Variants in DPP10 observed in about 807,000 individuals in gnomAD.
DPP10 encodes inactive dipeptidyl peptidase 10.
Under a neutral mutation model 120.9 loss-of-function variants are expected in DPP10, and 33 were observed. The ratio of observed to expected loss-of-function variants is 0.27; its 90% CI spans 0.21 to 0.37. The LOEUF is 0.37. Among genes scored for constraint, DPP10 ranks in the 10% least tolerant of loss-of-function variants. The pLI is 1.00. For synonymous variants in DPP10, 337 were observed against 326.1 expected (o/e 1.03, Z -0.36); for missense variants, 816 against 942.8 (o/e 0.87, Z 1.76).
At chr2:114,921,977 CATA>C (rs1695229853) in intron 1 of DPP10, among the ~76,000 whole-genome samples, 1 of 152,170 alleles carries the variant, frequency 6.6e-6, no homozygotes, top group Non-Finnish European at 1.5e-5. Context: ...ATGCCTTTAT[CATA>C]ATATTATGTC....
At chr2:115,431,244 G>A (rs547695513) in intron 3 of DPP10, among the ~76,000 whole-genome samples, 1 of 152,276 alleles carries the variant, frequency 6.6e-6, no homozygotes, top group Non-Finnish European at 1.5e-5. Flanking sequence ...AGAGTCTGGA[G>A]GACAAGTCCA....
intron 3 of DPP10, among the ~76,000 whole-genome samples, chr2:115,365,193 A>T (rs1490667430): frequency 6.6e-6 from 1 of 152,126 alleles, no homozygotes; most frequent in Non-Finnish European, 1.5e-5. Context: ...GGAACTAGAC[A>T]GACTGTGATA....
rs1694674047 is a variant in DPP10, at chr2:114,628,470, A to T, written c.60+185632A>T. On this transcript the variant is annotated intron_variant, in intron 1 of 25. Transcript: ENST00000410059. ...ATTTTATTAGAATATTATTTTATTT[A>T]AAATTTTGCCAACTTCATTAAGACA... 1.3e-5 allele frequency among the ~76,000 whole-genome samples: 2 copies of T among 152,160 alleles called. 1 individual carries two copies.
chr2:114,527,344 C>T (rs926648172), intron 1 of DPP10, among the ~76,000 whole-genome samples: 8 of 152,034 alleles, frequency 5.3e-5, no homozygotes, highest in African/African-American at 1.9e-4. Flanking sequence ...AGCAGCACAT[C>T]GCATTCTACC....
intron 1 of DPP10, among the ~76,000 whole-genome samples, chr2:114,990,184 G>C (rs1329491283): frequency 2.0e-5 from 3 of 152,050 alleles, no homozygotes; most frequent in African/African-American, 7.2e-5. Context: ...CTTATATAAA[G>C]AAACAGCTAC....
At chr2:114,554,558 A>G (rs1343085659) in intron 1 of DPP10, among the ~76,000 whole-genome samples, 1 of 152,216 alleles carries the variant, frequency 6.6e-6, no homozygotes, top group Non-Finnish European at 1.5e-5. Flanking sequence ...TGAGGTTGTG[A>G]GGGATCAAAA....
intron 1 of DPP10, among the ~76,000 whole-genome samples, chr2:114,984,014 T>C (rs1700247959): frequency 6.6e-6 from 1 of 152,190 alleles, no homozygotes; most frequent in Non-Finnish European, 1.5e-5. Context: ...GTATGGGTGC[T>C]TAGAATCAAG....
chr2:115,550,543 A>G (rs1418470621), intron 5 of DPP10, among the ~76,000 whole-genome samples: 2 of 152,192 alleles, frequency 1.3e-5, no homozygotes, highest in Non-Finnish European at 2.9e-5. Flanking sequence ...TTCATTTTCT[A>G]ACTACTTTTT....
intron 4 of DPP10, among the ~76,000 whole-genome samples, chr2:115,501,895 A>T (rs1015028677): frequency 6.6e-6 from 1 of 152,194 alleles, no homozygotes. Flanking sequence ...TTATTGAAAC[A>T]TATTGCTGGT....
chr2:115,033,262 T>C (rs1235916137), intron 1 of DPP10, among the ~76,000 whole-genome samples: 1 of 152,174 alleles, frequency 6.6e-6, no homozygotes, highest in African/African-American at 2.4e-5. Flanking sequence ...CCTGTGGTTA[T>C]AAACACGATG....
chr2:114,720,672 T>A (rs1413170154), intron 1 of DPP10, among the ~76,000 whole-genome samples: 2 of 152,190 alleles, frequency 1.3e-5, no homozygotes, highest in Non-Finnish European at 2.9e-5. Flanking sequence ...GGGTGTTAGA[T>A]CCACTTCTGT....
At chr2:114,650,531 GC>G (rs773396262) in intron 1 of DPP10, among the ~76,000 whole-genome samples, 164 of 152,166 alleles carry the variant, frequency 1.1e-3, no homozygotes, top group Admixed American at 2.3e-3. Flanking sequence ...CATTACTGTG[GC>G]TGCCTTCAAG....
At chr2:114,628,987 A>G (rs1694718380) in intron 1 of DPP10, among the ~76,000 whole-genome samples, 1 of 152,108 alleles carries the variant, frequency 6.6e-6, no homozygotes, top group African/African-American at 2.4e-5. Flanking sequence ...AAACATGAGA[A>G]TTTATCTAGA....
intron 1 of DPP10, among the ~76,000 whole-genome samples, chr2:114,977,259 C>T (rs77279464): frequency 0.015 from 2,338 of 152,164 alleles, 62 homozygotes; most frequent in African/African-American, 0.053. Flanking sequence ...TGACCAAACA[C>T]GCTTGCAAAG....
chr2:115,720,159 C>T (rs1319284152), intron 7 of DPP10, among the ~76,000 whole-genome samples: 4 of 152,124 alleles, frequency 2.6e-5, no homozygotes, highest in African/African-American at 4.8e-5. Flanking sequence ...CAGCAGTGCA[C>T]GAGGGTTCCA....
intron 4 of DPP10, among the ~76,000 whole-genome samples, chr2:115,512,345 C>A (rs1041800199): frequency 6.6e-6 from 1 of 152,008 alleles, no homozygotes; most frequent in African/African-American, 2.4e-5. Context: ...AGCAATCCTC[C>A]CACCTAGGCC....
chr2:114,488,994 A>G (rs572565631), intron 1 of DPP10, among the ~76,000 whole-genome samples: 1 of 152,338 alleles, frequency 6.6e-6, no homozygotes, highest in East Asian at 1.9e-4. Flanking sequence ...GCCAGAGAGA[A>G]CATTTGGAGC....
At chr2:115,098,625 T>C (rs946744257) in intron 1 of DPP10, among the ~76,000 whole-genome samples, 1 of 152,076 alleles carries the variant, frequency 6.6e-6, no homozygotes. Flanking sequence ...GGCACCACCA[T>C]TGTATAGGCG....
intron 5 of DPP10, among the ~76,000 whole-genome samples, chr2:115,632,733 A>T (rs983401439): frequency 6.6e-6 from 1 of 152,182 alleles, no homozygotes; most frequent in Non-Finnish European, 1.5e-5. Context: ...TAAATTTACA[A>T]GAAAAAATCA....
Sources: allele counts gnomAD v4.1 joint callset (sites outside exome capture counted in the v4.1 genomes callset), GRCh38; gene constraint gnomAD v4.1.1; transcripts MANE v1.5; gene names NCBI Gene and HGNC (gene_info 2026-07-23, HGNC 2026-07-21).